ABTB2: variants seen among roughly 807,000 people sequenced by gnomAD.
ABTB2 encodes ankyrin repeat and BTB domain containing 2.
A neutral mutation model predicts 104.1 loss-of-function variants in ABTB2; 56 were observed. The observed-to-expected ratio is 0.54, with a 90% CI of 0.43 to 0.67. The LOEUF (loss-of-function observed/expected upper bound fraction) is 0.67, where lower values mean the gene tolerates loss of function less well. Among genes scored for constraint, ABTB2 ranks in the 30% least tolerant of loss-of-function variants. ABTB2 has a pLI of 0.00. For synonymous variants in ABTB2, 606 were observed against 608.2 expected (o/e 1.00, Z 0.05); for missense variants, 1,279 against 1,407.7 (o/e 0.91, Z 1.46).
chr11:34,192,332 A>T (rs971684219), intron 3 of ABTB2, among the ~76,000 whole-genome samples: 7 of 152,180 alleles, frequency 4.6e-5, no homozygotes, highest in African/African-American at 1.2e-4. Flanking sequence ...TTGGGTCCGC[A>T]TACCTTACAG....
intron 1 of ABTB2, among the ~76,000 whole-genome samples, chr11:34,229,158 G>C (rs1270786021): frequency 6.8e-6 from 1 of 147,320 alleles, no homozygotes; most frequent in African/African-American, 2.5e-5. Context: ...AAAGAAAGTG[G>C]TATCTCATTT....
intron 1 of ABTB2, among the ~76,000 whole-genome samples, chr11:34,344,537 G>A (rs1256023285): frequency 6.6e-6 from 1 of 152,188 alleles, no homozygotes; most frequent in Non-Finnish European, 1.5e-5. Context: ...CTGTTGCCCA[G>A]GCTGGAGTGC....
intron 1 of ABTB2, among the ~76,000 whole-genome samples, chr11:34,351,808 C>T (rs906634993): frequency 1.3e-5 from 2 of 152,084 alleles, no homozygotes; most frequent in African/African-American, 2.4e-5. Context: ...GCTGAGGAAA[C>T]ATCACAAAGG....
At chr11:34,297,958 C>T (rs1854644986) in intron 1 of ABTB2, among the ~76,000 whole-genome samples, 1 of 152,032 alleles carries the variant, frequency 6.6e-6, no homozygotes, top group African/African-American at 2.4e-5. Context: ...TCCTGACTTT[C>T]TGCCTTCTAC....
At chr11:34,181,978 G>T (rs550223309) in intron 3 of ABTB2, among the ~76,000 whole-genome samples, 88 of 152,358 alleles carry the variant, frequency 5.8e-4, no homozygotes, top group Non-Finnish European at 7.9e-4. Flanking sequence ...ATCATGCCGT[G>T]AAACACACTG....
chr11:34,173,420 C>T, intron 3 of ABTB2, 113 bp from the exon 4 acceptor site: 1 of 1,319,182 alleles, frequency 7.6e-7, no homozygotes, highest in Non-Finnish European at 1.0e-6. Flanking sequence ...GAGGGTCAGT[C>T]CTAGGGTGGG....
chr11:34,353,106 A>G (rs1040360082), intron 1 of ABTB2, among the ~76,000 whole-genome samples: 3 of 152,218 alleles, frequency 2.0e-5, no homozygotes, highest in African/African-American at 7.2e-5. Context: ...TGGCAAAGGT[A>G]GGCTTCAAAC....
intron 1 of ABTB2, among the ~76,000 whole-genome samples, chr11:34,283,421 G>T (rs1198530571): frequency 6.6e-6 from 1 of 151,698 alleles, no homozygotes; most frequent in African/African-American, 2.4e-5. Context: ...TCACCATGTT[G>T]GCCAGGCTGA....
intron 1 of ABTB2, among the ~76,000 whole-genome samples, chr11:34,320,360 A>G (rs1375568764): frequency 4.6e-5 from 7 of 152,200 alleles, no homozygotes; most frequent in Non-Finnish European, 1.0e-4. Flanking sequence ...TCCTGGGGGA[A>G]TTGAAGTCAG....
At chr11:34,258,614 T>TTTTTTTTTTTTTTTTTTG (rs1854152770) in intron 1 of ABTB2, among the ~76,000 whole-genome samples, 1 of 143,098 alleles carries the variant, frequency 7.0e-6, no homozygotes, top group Non-Finnish European at 1.5e-5. Flanking sequence ...TCTTTTTTTT[T>TTTTTTTTTTTTTTTTTTG]TTTTTTTTTT....
In ABTB2 at chr11:34,184,900, T is replaced by C. The variant is rs576187106; in HGVS notation, c.1245-11593A>G. Among the ~76,000 whole-genome samples, 3 of 152,354 alleles carry C rather than the reference T, an allele frequency of 2.0e-5. 1 individual carries two copies. The East Asian group carries it at 5.8e-4, about 29-fold the overall frequency. ...AGAGACCACGAGCTCTTTCACCACA[T>C]GGAAACCAGACAGGCGGGGACCTCC... On this transcript the variant is annotated intron_variant, in intron 3 of 16. Coordinates refer to ENST00000435224, the MANE Select transcript of ABTB2 (RefSeq NM_145804.3).
chr11:34,216,634 C>G (rs1216811680), intron 1 of ABTB2, among the ~76,000 whole-genome samples: 1 of 152,044 alleles, frequency 6.6e-6, no homozygotes, highest in Non-Finnish European at 1.5e-5. Context: ...GCCTGTAATC[C>G]CAGCTACTCA....
chr11:34,196,326 C>T (rs940832799), intron 3 of ABTB2, among the ~76,000 whole-genome samples: 15 of 152,144 alleles, frequency 9.9e-5, no homozygotes, highest in Admixed American at 2.6e-4. Flanking sequence ...GGCCAAGGCG[C>T]GTGGATCACG....
chr11:34,309,659 T>TA (rs35147356), intron 1 of ABTB2, among the ~76,000 whole-genome samples: 68 of 149,774 alleles, frequency 4.5e-4, no homozygotes, highest in Non-Finnish European at 7.6e-4. Context: ...GTTATGAAGT[T>TA]AAAAAAAAAA....
At chr11:34,311,965 A>G (rs1413947963) in intron 1 of ABTB2, among the ~76,000 whole-genome samples, 2 of 151,944 alleles carry the variant, frequency 1.3e-5, no homozygotes, top group Non-Finnish European at 2.9e-5. Flanking sequence ...ACATGGTGAA[A>G]CCCCGTGTCT....
At chr11:34,225,743 G>GA (rs1410003169) in intron 1 of ABTB2, among the ~76,000 whole-genome samples, 3 of 152,116 alleles carry the variant, frequency 2.0e-5, no homozygotes, top group African/African-American at 7.2e-5. Context: ...TAACAAGAGT[G>GA]AAACTCCACC....
intron 1 of ABTB2, among the ~76,000 whole-genome samples, chr11:34,317,448 C>T (rs142093890): frequency 1.2e-4 from 19 of 152,136 alleles, no homozygotes; most frequent in South Asian, 1.0e-3. Context: ...AATGAGAGTG[C>T]GAAAACAGTA....
chr11:34,180,384 C>T (rs1023495523), intron 3 of ABTB2, among the ~76,000 whole-genome samples: 4 of 152,154 alleles, frequency 2.6e-5, no homozygotes, highest in Non-Finnish European at 5.9e-5. Flanking sequence ...TGTGTGGTGG[C>T]GAGGGTGGGT....
chr11:34,253,325 G>A (rs1476713047), intron 1 of ABTB2, among the ~76,000 whole-genome samples: 1 of 152,192 alleles, frequency 6.6e-6, no homozygotes, highest in Non-Finnish European at 1.5e-5. Flanking sequence ...CCCCTGCCCT[G>A]TTGCAGACAG....
Sources: allele counts gnomAD v4.1 joint callset (sites outside exome capture counted in the v4.1 genomes callset), GRCh38; gene constraint gnomAD v4.1.1; transcripts MANE v1.5; gene names NCBI Gene and HGNC (gene_info 2026-07-23, HGNC 2026-07-21).